The following TTBK1 variants were observed in gnomAD, a reference collection of about 807,000 sequenced individuals.
The protein encoded by TTBK1 is tau tubulin kinase 1, also known as tau-tubulin kinase 1.
TTBK1 carries 34 observed loss-of-function variants against 108.5 expected under a neutral mutation model. That is an observed-to-expected ratio of 0.31 (90% CI 0.24 to 0.42). The LOEUF (loss-of-function observed/expected upper bound fraction) is 0.42. TTBK1 is among the 10% of genes least tolerant of loss of function. TTBK1 has a pLI of 1.00. For synonymous variants in TTBK1, 809 were observed against 795.1 expected (o/e 1.02, Z -0.29); for missense variants, 1,539 against 1,826.0 (o/e 0.84, Z 2.86).
chr6:43,248,483 G>GTAATCCCACCC (rs1777157683), intron 2 of TTBK1, among the ~76,000 whole-genome samples: 1 of 152,218 alleles, frequency 6.6e-6, no homozygotes, highest in Non-Finnish European at 1.5e-5. Flanking sequence ...AGCACTTTGG[G>GTAATCCCACCC]AGGTTGAGGT....
In TTBK1 at chr6:43,257,952, G is replaced by T. The variant is rs760473090; in HGVS notation, c.1002G>T (p.Thr334=). Residue 334 remains threonine (T), a synonymous_variant, in exon 10 of 15, where the codon ACG becomes ACT. Transcript: ENST00000259750. This position sits in a 1 kb window ranked among gnomAD's most constrained non-coding sequence, Gnocchi z 4.5. Reference sequence around the variant, plus strand: ...CGCCCCAGCAGAACACCCGGCAGACGGCAGCCATGTTTGGGTGAGTCTCAG... The same window carrying T: ...CGCCCCAGCAGAACACCCGGCAGACTGCAGCCATGTTTGGGTGAGTCTCAG... The part of the protein sequence containing the change: ...STPPQQNTRQ[T]AAMFGVVNVT... The T allele has an allele frequency of 6.2e-7, 1 of 1,612,914 alleles. No homozygotes were observed. The highest frequency in any genetic ancestry group is 2.2e-5 in the East Asian group (1 of 44,860).
intron 9 of TTBK1, 103 bp downstream of exon 9, chr6:43,255,959 C>G: frequency 2.1e-6 from 3 of 1,433,048 alleles, no homozygotes; most frequent in Non-Finnish European, 2.9e-6. Flanking sequence ...CCTGCCTTGT[C>G]CCCAAGCCTC....
rs923055913 is a variant in TTBK1 at position 43,259,870 on chromosome 6, A to G, written c.1424+164A>G. Among the ~76,000 whole-genome samples, 7 of 152,216 alleles carry G rather than the reference A, an allele frequency of 4.6e-5. No individual in the cohort carries two copies. The highest frequency in any genetic ancestry group is 1.0e-4 in the Non-Finnish European group (7 of 68,030). ...GTCAGACTCAGTTGGGGCCAGAGAC[A>G]GGGCCTGGGAGAACCAGTGGGGGAT... On this transcript the variant is annotated intron_variant, in intron 12 of 14. Transcript: ENST00000259750. The surrounding 1 kb of genome is among the most constrained non-coding windows in gnomAD (Gnocchi z 6.7).
chr6:43,272,896 C>G (rs961950475), intron 13 of TTBK1, among the ~76,000 whole-genome samples: 2 of 152,074 alleles, frequency 1.3e-5, no homozygotes, highest in Non-Finnish European at 2.9e-5. Context: ...GTAGCCTCCT[C>G]GGGGTCAGCT....
At chr6:43,261,036 G>A (rs572125719) in intron 12 of TTBK1, among the ~76,000 whole-genome samples, 1 of 152,232 alleles carries the variant, frequency 6.6e-6, no homozygotes, top group East Asian at 1.9e-4. Flanking sequence ...CTGTGCCTCA[G>A]AAAGGAAATG....
intron 13 of TTBK1, among the ~76,000 whole-genome samples, chr6:43,277,035 C>G (rs1778020318): frequency 6.6e-6 from 1 of 152,022 alleles, no homozygotes; most frequent in African/African-American, 2.4e-5. Context: ...GGGGCTGGGC[C>G]CACCAGGCCC....
In TTBK1 at chr6:43,269,754, C is replaced by T. The variant is rs1211500671; in HGVS notation, c.1986+6404C>T. 6.2e-7 allele frequency: 1 copy of T among 1,603,838 alleles called. No homozygotes were observed. The highest frequency in any genetic ancestry group is 8.5e-7 in the Non-Finnish European group (1 of 1,178,188). The stretch of plus-strand genomic sequence containing the variant: ...GCTGGAGACGGAGCATTACCCTCAC[C>T]CCGGCGGCGGCGGCTCCTCGGGCTC... On this transcript the variant is annotated intron_variant, in intron 13 of 14. Transcript: ENST00000259750. The surrounding 1 kb of genome is among the most constrained non-coding windows in gnomAD (Gnocchi z 4.8).
At chr6:43,245,166 T>C (rs1239127770) in intron 1 of TTBK1, among the ~76,000 whole-genome samples, 1 of 152,178 alleles carries the variant, frequency 6.6e-6, no homozygotes, top group African/African-American at 2.4e-5. Flanking sequence ...GCAAGAGCCC[T>C]GGGAAGTTAT....
chr6:43,256,375 C>T (rs2150688837), intron 9 of TTBK1, among the ~76,000 whole-genome samples: 1 of 152,084 alleles, frequency 6.6e-6, no homozygotes, highest in East Asian at 2.0e-4. Flanking sequence ...CCTTTTGATC[C>T]ACCTGCCTCG....
chr6:43,272,220 G>A (rs1020515061), intron 13 of TTBK1: 1 of 985,346 alleles, frequency 1.0e-6, no homozygotes, highest in Non-Finnish European at 1.2e-6. Flanking sequence ...CCAATCTGGG[G>A]TTGGATGAAA....
chr6:43,262,470 C>T (rs905645166), intron 12 of TTBK1, among the ~76,000 whole-genome samples: 3 of 152,168 alleles, frequency 2.0e-5, no homozygotes, highest in African/African-American at 7.2e-5. Context: ...TAGGGTGGCC[C>T]AGGAGAGAGC....
At chr6:43,271,963 G>A in intron 13 of TTBK1, 1 of 980,976 alleles carries the variant, frequency 1.0e-6, no homozygotes, top group Non-Finnish European at 1.2e-6. Context: ...TTTGCACCCT[G>A]CTCAGGCAGT....
intron 13 of TTBK1, among the ~76,000 whole-genome samples, chr6:43,277,891 A>G (rs1468609370): frequency 6.6e-6 from 1 of 152,136 alleles, no homozygotes; most frequent in Non-Finnish European, 1.5e-5. Context: ...AGGAGGTGGG[A>G]GGCATGCACG....
intron 13 of TTBK1, among the ~76,000 whole-genome samples, chr6:43,275,189 C>T (rs1056450022): frequency 6.6e-6 from 1 of 152,158 alleles, no homozygotes; most frequent in Non-Finnish European, 1.5e-5. Flanking sequence ...CCCGCAGGTC[C>T]CCAAGCCAGG....
At chr6:43,258,567 C>G (rs140456178) in intron 10 of TTBK1, among the ~76,000 whole-genome samples, 29 of 151,526 alleles carry the variant, frequency 1.9e-4, no homozygotes, top group African/African-American at 5.8e-4. Context: ...GCTTAAAGAA[C>G]TCGAAAGTTT....
At chr6:43,284,335 A>G in intron 14 of TTBK1, 23 bp downstream of exon 14, 6 of 1,508,834 alleles carry the variant, frequency 4.0e-6, no homozygotes, top group Non-Finnish European at 5.3e-6. Flanking sequence ...TGCCAGCCCC[A>G]GGGTGGGCAG....
In TTBK1 at chr6:43,286,354, C is replaced by G. The variant is rs1453555219; in HGVS notation, c.*978C>G. On this transcript the variant is annotated 3_prime_UTR_variant, in exon 15 of 15. Transcript: ENST00000259750. The surrounding 1 kb of genome is among the most constrained non-coding windows in gnomAD (Gnocchi z 4.6). ...AACCTCAGTCCTGCCTACTGCAGTT[C>G]CAGCCAACCTGCTCTTTCCTGAGTT... 2.0e-5 allele frequency: 3 copies of G among 152,736 alleles called. No individual in the cohort carries two copies. The highest frequency in any genetic ancestry group is 6.5e-5 in the Admixed American group (1 of 15,290). 9.5% of individuals were successfully genotyped at this position (152,736 alleles called of 1,614,324 possible).
chr6:43,283,296 A>G lies in TTBK1; in HGVS notation c.2556A>G (p.Glu852=), dbSNP rs1205815226. ...TGAAGAAGTCGCCCGTCACTGCCGA[A>G]CTGGCCCCCGACCCCGACCTGGGCA... The part of the protein sequence containing the change: ...GDMKKSPVTA[E]LAPDPDLGTL... The change falls in exon 14 of 15, where the codon GAA becomes GAG. Residue 852 remains glutamate (E), a synonymous_variant. Coordinates refer to ENST00000259750, the MANE Select transcript of TTBK1 (RefSeq NM_032538.3). The surrounding 1 kb of genome is among the most constrained non-coding windows in gnomAD (Gnocchi z 8.1). The G allele has an allele frequency of 7.6e-6, 12 of 1,572,734 alleles. No individual in the cohort carries two copies. The highest frequency in any genetic ancestry group is 1.0e-5 in the Non-Finnish European group (12 of 1,159,104).
rs978288997 is a variant in TTBK1 at position 43,262,956 on chromosome 6, C to T, written c.1592C>T (p.Pro531Leu). The T allele has an allele frequency of 1.3e-5, 21 of 1,613,894 alleles. No individual in the cohort carries two copies. The highest frequency in any genetic ancestry group is 4.5e-5 in the East Asian group (2 of 44,878). The change falls in exon 13 of 15, where the codon CCG becomes CTG. Residue 531 changes from proline (P) to leucine (L), a missense_variant. Around this residue, in one of 5 missense-constraint regions of TTBK1, gnomAD observed 7 missense variants for 20.7 expected, o/e 0.34. Coordinates refer to ENST00000259750, the MANE Select transcript of TTBK1 (RefSeq NM_032538.3). ...CTGAGCAACGCCTTCCGCTCGGTGC[C>T]GCTGGCTGAGGAGGAGGATTTCGAC... ...EALSNAFRSV[P>L]LAEEEDFDSK...
Sources: gnomAD v4.1 joint callset for allele counts (sites outside exome capture counted in the v4.1 genomes callset) on GRCh38, gnomAD v4.1.1 for gene constraint, gnomAD v4.1.1 regional missense constraint, Gnocchi (gnomAD v3.1) non-coding constraint, MANE v1.5 for transcripts, NCBI Gene and HGNC (gene_info 2026-07-23, HGNC 2026-07-21) for gene names.